The following NKAIN3 variants were observed in gnomAD, a reference collection of about 807,000 sequenced individuals.
NKAIN3 encodes sodium/potassium transporting ATPase interacting 3, also known as sodium/potassium-transporting ATPase subunit beta-1-interacting protein 3.
NKAIN3 carries 25 observed loss-of-function variants against 30.2 expected under a neutral mutation model. The observed-to-expected ratio is 0.83, with a 90% CI of 0.60 to 1.16. NKAIN3 has a LOEUF of 1.16. Ranked by LOEUF, NKAIN3 falls within the 50% of genes most tolerant of loss-of-function variation. The pLI is 0.00. For synonymous variants in NKAIN3, 91 were observed against 89.6 expected, an observed-to-expected ratio of 1.02 and a Z score of -0.09; for missense variants, 225 against 254.1, an observed-to-expected ratio of 0.89 and a Z score of 0.78.
At chr8:62,277,618 A>C (rs1208060326) in intron 1 of NKAIN3, among the ~76,000 whole-genome samples, 2 of 152,168 alleles carry the variant, frequency 1.3e-5, no homozygotes, top group Non-Finnish European at 2.9e-5. Flanking sequence ...TAATTCACTT[A>C]AGCTAAGTTA....
chr8:62,962,663 C>G (rs1002695864), intron 6 of NKAIN3, among the ~76,000 whole-genome samples: 9 of 152,130 alleles, frequency 5.9e-5, no homozygotes, highest in African/African-American at 1.7e-4. Context: ...CCACTACTGT[C>G]TCCAGATACT....
At chr8:62,630,247 G>A (rs1355314016) in intron 3 of NKAIN3, among the ~76,000 whole-genome samples, 2 of 152,022 alleles carry the variant, frequency 1.3e-5, no homozygotes, top group Admixed American at 6.6e-5. Context: ...GCAGATAAAG[G>A]GGGAGTACTG....
chr8:62,577,373 C>G (rs1378802761), intron 1 of NKAIN3, among the ~76,000 whole-genome samples: 1 of 151,302 alleles, frequency 6.6e-6, no homozygotes, highest in Non-Finnish European at 1.5e-5. Flanking sequence ...CATCTACTGA[C>G]AGAAAAGAAA....
chr8:62,324,304 C>T (rs1285237839), intron 1 of NKAIN3, among the ~76,000 whole-genome samples: 1 of 151,900 alleles, frequency 6.6e-6, no homozygotes, highest in East Asian at 1.9e-4. Context: ...AAAGAAAGAA[C>T]ATAAATCTTT....
intron 1 of NKAIN3, among the ~76,000 whole-genome samples, chr8:62,380,255 A>G (rs1334815784): frequency 6.6e-6 from 1 of 152,204 alleles, no homozygotes; most frequent in African/African-American, 2.4e-5. Flanking sequence ...TGCATTTTCA[A>G]AGGATAAATG....
At chr8:62,721,302 A>T (rs887920251) in intron 3 of NKAIN3, among the ~76,000 whole-genome samples, 1 of 152,218 alleles carries the variant, frequency 6.6e-6, no homozygotes, top group Non-Finnish European at 1.5e-5. Context: ...TAACTTGCCT[A>T]AGGTATTATC....
intron 3 of NKAIN3, among the ~76,000 whole-genome samples, chr8:62,614,433 A>G (rs745665215): frequency 1.3e-4 from 20 of 152,080 alleles, no homozygotes; most frequent in Non-Finnish European, 2.6e-4. Context: ...CACTACTATG[A>G]CTTTGCTGGG....
chr8:62,863,490 A>G, intron 4 of NKAIN3: 1 of 1,545,192 alleles, frequency 6.5e-7, no homozygotes, highest in Non-Finnish European at 8.8e-7. Flanking sequence ...TCTTCAGACA[A>G]CGTACTGGGT....
At chr8:62,855,524 T>C in intron 4 of NKAIN3, 1 of 1,457,040 alleles carries the variant, frequency 6.9e-7, no homozygotes, top group South Asian at 1.1e-5. Flanking sequence ...ATCTGGTGGG[T>C]AAACAAGCTC....
intron 1 of NKAIN3, among the ~76,000 whole-genome samples, chr8:62,523,199 A>T (rs1456829048): frequency 1.3e-5 from 2 of 152,192 alleles, no homozygotes; most frequent in Non-Finnish European, 2.9e-5. Context: ...GTAAAATAAC[A>T]TGCCGTACAG....
intron 3 of NKAIN3, among the ~76,000 whole-genome samples, chr8:62,715,414 T>C (rs1814863252): frequency 6.6e-6 from 1 of 152,214 alleles, no homozygotes; most frequent in Non-Finnish European, 1.5e-5. Context: ...TAAAGCAAGC[T>C]ATTTAAACTT....
At chr8:62,368,614 AC>A (rs1816808881) in intron 1 of NKAIN3, among the ~76,000 whole-genome samples, 1 of 152,180 alleles carries the variant, frequency 6.6e-6, no homozygotes, top group Admixed American at 6.5e-5. Flanking sequence ...GATAACAAGA[AC>A]TATCATAAAA....
intron 3 of NKAIN3, among the ~76,000 whole-genome samples, chr8:62,674,228 C>T (rs766487777): frequency 2.0e-5 from 3 of 152,196 alleles, no homozygotes; most frequent in Non-Finnish European, 4.4e-5. Context: ...ATAAGTCGGA[C>T]TCTTGTGGCC....
chr8:62,714,023 G>C (rs1222468783), intron 3 of NKAIN3, among the ~76,000 whole-genome samples: 1 of 152,026 alleles, frequency 6.6e-6, no homozygotes, highest in African/African-American at 2.4e-5. Context: ...CATAATTTTT[G>C]TATTGGATGT....
intron 3 of NKAIN3, among the ~76,000 whole-genome samples, chr8:62,654,311 G>A (rs879938352): frequency 2.0e-5 from 3 of 152,120 alleles, no homozygotes; most frequent in South Asian, 4.2e-4. Flanking sequence ...AGATAAAAAA[G>A]TTAAAAGAAT....
intron 1 of NKAIN3, among the ~76,000 whole-genome samples, chr8:62,456,937 G>T (rs980539808): frequency 5.3e-5 from 8 of 152,182 alleles, no homozygotes; most frequent in East Asian, 3.9e-4. Flanking sequence ...GACCTTTCTC[G>T]TTGTACCATT....
chr8:62,770,828 A>G (rs1473001891), intron 4 of NKAIN3, among the ~76,000 whole-genome samples: 1 of 152,130 alleles, frequency 6.6e-6, no homozygotes, highest in Admixed American at 6.6e-5. Context: ...CCAGAAGCCA[A>G]GATTAAACCT....
intron 4 of NKAIN3, among the ~76,000 whole-genome samples, chr8:62,816,187 A>G (rs1326098083): frequency 1.3e-5 from 2 of 152,176 alleles, no homozygotes; most frequent in Admixed American, 1.3e-4. Context: ...CTCAGGAAAT[A>G]CTTTTTCCTG....
chr8:62,922,720 A>G (rs183028979), intron 5 of NKAIN3, among the ~76,000 whole-genome samples: 3 of 152,064 alleles, frequency 2.0e-5, no homozygotes, highest in Admixed American at 2.0e-4. Context: ...GCCATTAAGA[A>G]TCTACTGATT....
Sources: allele counts gnomAD v4.1 joint callset (sites outside exome capture counted in the v4.1 genomes callset), GRCh38; gene constraint gnomAD v4.1.1; transcripts MANE v1.5; gene names NCBI Gene and HGNC (gene_info 2026-07-23, HGNC 2026-07-21).